Variants in AMZ1 observed in about 807,000 individuals in gnomAD.
AMZ1 encodes the protein archaelysin family metallopeptidase 1, also known as archaemetzincin-1.
AMZ1 carries 39 observed loss-of-function variants against 29.9 expected under a neutral mutation model. The ratio of observed to expected loss-of-function variants is 1.30; its 90% CI spans 1.01 to 1.70. The LOEUF is 1.70. AMZ1 is among the 40% of genes most tolerant of loss of function. The pLI is 0.00. For synonymous variants in AMZ1, 458 were observed against 304.0 expected, an observed-to-expected ratio of 1.51 and a Z score of -5.27; for missense variants, 1,041 against 680.6, an observed-to-expected ratio of 1.53 and a Z score of -5.89.
chr7:2,682,725 C>T (rs1786928622), intron 1 of AMZ1, among the ~76,000 whole-genome samples: 1 of 152,002 alleles, frequency 6.6e-6, no homozygotes, highest in Admixed American at 6.6e-5. Flanking sequence ...GCCCCTTCAC[C>T]CCCCAGCCCC....
intron 1 of AMZ1, among the ~76,000 whole-genome samples, chr7:2,693,774 C>T (rs538671247): frequency 6.6e-6 from 1 of 152,202 alleles, no homozygotes; most frequent in Non-Finnish European, 1.5e-5. Context: ...CCAGGATTGT[C>T]TTGATCTCCT....
intron 3 of AMZ1, among the ~76,000 whole-genome samples, chr7:2,705,219 G>T (rs1788282645): frequency 6.6e-6 from 1 of 152,178 alleles, no homozygotes; most frequent in Non-Finnish European, 1.5e-5. Flanking sequence ...ACAAAGACAT[G>T]AAGCTTTTCT....
intron 1 of AMZ1, among the ~76,000 whole-genome samples, chr7:2,690,651 G>A (rs983865965): frequency 6.6e-6 from 1 of 152,092 alleles, no homozygotes; most frequent in African/African-American, 2.4e-5. Flanking sequence ...ACTGCTTGCG[G>A]GTGTGCAAAC....
chr7:2,733,546 A>G, intron 4 of AMZ1: 3 of 1,459,282 alleles, frequency 2.1e-6, no homozygotes, highest in Non-Finnish European at 2.9e-6. Flanking sequence ...GGACTGAGGA[A>G]TCCTGATGTG....
intron 4 of AMZ1, among the ~76,000 whole-genome samples, chr7:2,752,463 C>G (rs530960738): frequency 1.3e-5 from 2 of 152,038 alleles, no homozygotes; most frequent in South Asian, 4.2e-4. Flanking sequence ...AGCAAGCAAG[C>G]GAACAAATGA....
At chr7:2,704,799 T>G (rs1788255621) in intron 3 of AMZ1, among the ~76,000 whole-genome samples, 1 of 151,992 alleles carries the variant, frequency 6.6e-6, no homozygotes, top group Non-Finnish European at 1.5e-5. Context: ...GGTTTCACCG[T>G]GTTAGCCAGG....
rs1468251992 is a variant in AMZ1 at position 2,700,599 on chromosome 7, C to T, written c.148C>T (p.Pro50Ser). 3.1e-6 allele frequency: 5 copies of T among 1,610,490 alleles called. No individual in the cohort carries two copies. In the East Asian group the frequency reaches 8.9e-5, roughly 29 times the overall value. The change falls in exon 2 of 7, where the codon CCG (proline) becomes TCG (serine). Residue 50 changes from proline (P) to serine (S), a missense_variant. By Grantham distance (74) the Pro-to-Ser change is moderately conservative (BLOSUM62 -1). Coordinates refer to ENST00000683327, the MANE Select transcript of AMZ1 (RefSeq NM_001384743.1). ...ERLFLAEAYNPQRTLFCTLLI... is the reference protein window; with the variant it reads ...ERLFLAEAYNSQRTLFCTLLI... ...GCTCTTCCTGGCCGAGGCCTACAAC[C>T]CGCAGAGGACGCTCTTCTGCACCCT...
intron 2 of AMZ1, among the ~76,000 whole-genome samples, chr7:2,701,346 A>G (rs929665361): frequency 6.6e-6 from 1 of 152,176 alleles, no homozygotes; most frequent in Non-Finnish European, 1.5e-5. Flanking sequence ...AGAGCTGGTC[A>G]CTGGTAGGGA....
At position 2,731,918 on chromosome 7, in the gene AMZ1, A is replaced by C. The variant is rs1442817910; in HGVS notation, n.550+22102A>C. Among the ~76,000 whole-genome samples the C allele has an allele frequency of 6.6e-6, 1 of 152,224 alleles. No homozygotes were observed. Among genetic ancestry groups the C allele is most frequent in the Non-Finnish European group, 1.5e-5 (1 of 68,044 alleles). ...TTATAACATTATCAACTGGCCGTGA[A>C]ACAGAAAGAATCAAATACTTCATTT... On this transcript the variant is annotated intron_variant and non_coding_transcript_variant, in intron 4 of 4. Coordinates refer to the AMZ1 transcript ENST00000489665. The surrounding 1 kb of genome is among the most constrained non-coding windows in gnomAD (Gnocchi z 6.0).
In AMZ1 at chr7:2,728,271, C is replaced by T. The variant is rs117683535; in HGVS notation, n.550+18455C>T. On this transcript the variant is annotated intron_variant and non_coding_transcript_variant, in intron 4 of 4. Transcript: ENST00000489665. Reference sequence around the variant, plus strand: ...CATTCCAATGGGAGCCTCTGCCTTACAATACCAGGTTAGATGTCTGTGCCC... The same window carrying T: ...CATTCCAATGGGAGCCTCTGCCTTATAATACCAGGTTAGATGTCTGTGCCC... 7.3e-3 allele frequency: 1,110 copies of T among 152,414 alleles called. 3 individuals carry two copies. The highest frequency in any genetic ancestry group is 0.012 in the Non-Finnish European group (789 of 68,024). The allele number at this position is 152,414 out of a possible 1,614,324, so 9.4% of individuals were successfully genotyped here.
intron 4 of AMZ1, among the ~76,000 whole-genome samples, chr7:2,759,177 AAATAAATAAAT>A (rs1158383254): frequency 4.0e-5 from 6 of 149,030 alleles, no homozygotes; most frequent in African/African-American, 1.5e-4. Flanking sequence ...ATAAATAAAT[AAATAAATAAAT>A]AAAATAAAAA....
At chr7:2,736,865 G>A (rs759021653) in intron 4 of AMZ1, among the ~76,000 whole-genome samples, 7 of 152,164 alleles carry the variant, frequency 4.6e-5, no homozygotes, top group South Asian at 2.1e-4. Flanking sequence ...CTGGCCTCAC[G>A]CACTTCCTTC....
rs185194661 is a variant in AMZ1 at position 2,715,466 on chromosome 7, C to T, written c.*2588C>T. 7.8e-4 allele frequency: 119 copies of T among 152,310 alleles called. 1 individual carries two copies. Among genetic ancestry groups the T allele is most frequent in the Middle Eastern group, 6.8e-3 (2 of 294 alleles). The allele number at this position is 152,310 out of a possible 1,614,324, so 9.4% of individuals were successfully genotyped here. The stretch of plus-strand genomic sequence containing the variant: ...GCCTGGCTCATGCTGAGGGTGGGAG[C>T]CCACTGGGGTTATGACCAAAGCCTC... On this transcript the variant is annotated 3_prime_UTR_variant, in exon 7 of 7. Coordinates refer to ENST00000683327, the MANE Select transcript of AMZ1 (RefSeq NM_001384743.1).
chr7:2,702,643 T>C (rs1788116584), intron 2 of AMZ1, 79 bp from the exon 3 acceptor site: 2 of 1,438,768 alleles, frequency 1.4e-6, no homozygotes, highest in Admixed American at 2.5e-5. Context: ...AGCAGGCCGG[T>C]GTCTGCGAGT....
chr7:2,682,133 G>A (rs890563599), intron 1 of AMZ1, among the ~76,000 whole-genome samples: 8 of 152,190 alleles, frequency 5.3e-5, no homozygotes, highest in African/African-American at 1.4e-4. Flanking sequence ...CTCAAAGGGC[G>A]GCCTCACAGG....
chr7:2,709,224 G>T lies in AMZ1; in HGVS notation c.751G>T (p.Gly251Trp). 2 of 1,508,318 alleles carry T rather than the reference G, an allele frequency of 1.3e-6. No individual in the cohort carries two copies. Among genetic ancestry groups the T allele is most frequent in the Non-Finnish European group, 1.8e-6 (2 of 1,130,436 alleles). The allele number at this position is 1,508,318 out of a possible 1,614,324, so 93.4% of individuals were successfully genotyped here. Reference protein sequence around the residue: ...RGWALCFSALGMVQCCKVTCH... With the variant: ...RGWALCFSALWMVQCCKVTCH... ...CTGGGCCCTGTGCTTCAGTGCCCTG[G>T]GGATGGTTCAGTGCTGCAAGGTGGG... Residue 251 changes from glycine (G) to tryptophan (W), a missense_variant, in exon 5 of 7, where the codon GGG becomes TGG. Gly to Trp is a radical substitution (Grantham distance 184, BLOSUM62 -2). Transcript: ENST00000683327.
At chr7:2,729,522 G>GATGAGAAC (rs1789778970) in intron 4 of AMZ1, 1 of 152,388 alleles carries the variant, frequency 6.6e-6, no homozygotes, top group South Asian at 2.1e-4. Flanking sequence ...GCTGTCTCCC[G>GATGAGAAC]ATGAGAACGC....
chr7:2,727,233 C>G (rs368047606), intron 4 of AMZ1, among the ~76,000 whole-genome samples: 1 of 152,056 alleles, frequency 6.6e-6, no homozygotes, highest in Admixed American at 6.5e-5. Flanking sequence ...AGGCGCCCAC[C>G]ACCACACCCA....
At chr7:2,760,713 C>G (rs1230648167), upstream of AMZ1, among the ~76,000 whole-genome samples, 1 of 152,230 alleles carries the variant, frequency 6.6e-6, no homozygotes, top group Non-Finnish European at 1.5e-5. Context: ...CTACAGGCAG[C>G]TTATCCAGAG....
Sources: gnomAD v4.1 joint callset for allele counts (sites outside exome capture counted in the v4.1 genomes callset) on GRCh38, gnomAD v4.1.1 for gene constraint, Gnocchi (gnomAD v3.1) non-coding constraint, MANE v1.5 for transcripts, NCBI Gene and HGNC (gene_info 2026-07-23, HGNC 2026-07-21) for gene names.